The following STRN3 variants were observed in gnomAD, a reference collection of about 807,000 sequenced individuals.
STRN3 encodes striatin 3.
STRN3 carries 29 observed loss-of-function variants against 95.6 expected under a neutral mutation model. That is an observed-to-expected ratio of 0.30 (90% CI 0.23 to 0.41). The LOEUF is 0.41. STRN3 is among the 10% of genes least tolerant of loss of function. STRN3 has a pLI of 1.00. For synonymous variants in STRN3, 331 were observed against 357.6 expected (o/e 0.93, Z 0.84); for missense variants, 890 against 972.1 (o/e 0.92, Z 1.12).
intron 1 of STRN3, among the ~76,000 whole-genome samples, chr14:30,964,145 G>C (rs920442725): frequency 2.6e-5 from 4 of 152,156 alleles, no homozygotes; most frequent in African/African-American, 7.2e-5. Flanking sequence ...TCAGCTATAC[G>C]AGAGGGTGAA....
At chr14:30,896,973 A>G (rs1896171883) in intron 16 of STRN3, among the ~76,000 whole-genome samples, 1 of 152,224 alleles carries the variant, frequency 6.6e-6, no homozygotes, top group African/African-American at 2.4e-5. Context: ...CTTTGGATGG[A>G]TAGAAAGCAT....
rs1473388792 is a variant in STRN3, at chr14:30,918,974, G to C, written c.1232C>G (p.Ala411Gly). 2 of 1,580,872 alleles carry C rather than the reference G, an allele frequency of 1.3e-6. No homozygotes were observed. The highest frequency in any genetic ancestry group is 8.6e-7 in the Non-Finnish European group (1 of 1,162,350). ...TRMTDHEGAR[A>G]EEAEPITFPS... ...GTAGCTAAATTTTGTACCTTCCTCT[G>C]CTCTTGCACCTTCATGATCAGTCAT... Residue 411 changes from alanine (A) to glycine (G), a missense_variant, in exon 9 of 18, where the codon GCA becomes GGA. Physicochemically the swap from Ala to Gly is moderately conservative, Grantham distance 60. Coordinates refer to ENST00000357479, the MANE Select transcript of STRN3 (RefSeq NM_001083893.2).
chr14:30,929,967 A>AAAACAAAAAACAAAAAACAAAAAAAC (rs1555317341), intron 7 of STRN3, among the ~76,000 whole-genome samples: 6 of 91,122 alleles, frequency 6.6e-5, no homozygotes, highest in African/African-American at 2.3e-4. Context: ...AAAAAAAAAA[A>AAAACAAAAAACAAAAAACAAAAAAAC]AAAAAAAAAA....
chr14:31,013,767 T>G (rs998436312), intron 1 of STRN3, among the ~76,000 whole-genome samples: 2 of 141,442 alleles, frequency 1.4e-5, no homozygotes, highest in Non-Finnish European at 3.1e-5. Context: ...AATTTTTTCT[T>G]TTCTGTAGAA....
In STRN3 at chr14:30,912,104, C is replaced by T. The variant is rs1368263955; in HGVS notation, c.1453G>A (p.Ala485Thr). The T allele has an allele frequency of 1.9e-6, 3 of 1,614,138 alleles. No homozygotes were observed. The highest frequency in any genetic ancestry group is 1.7e-5 in the Admixed American group (1 of 60,024). The change falls in exon 11 of 18, where the codon GCA (alanine) becomes ACA (threonine). Residue 485 changes from alanine to threonine, a missense_variant. By Grantham distance (58) the Ala-to-Thr change is moderately conservative (BLOSUM62 0). This residue lies in a region of STRN3 where 357 missense variants were observed against 422.8 expected (regional missense o/e 0.84). Transcript: ENST00000357479. ...GGTTCTACAGGATGAAAAGCTAATG[C>T]CCGTACTCCATCAAAATGGCTACGT... ...TLRSHFDGVR[A>T]LAFHPVEPVL...
At chr14:30,956,811 A>C (rs1032369734) in intron 1 of STRN3, among the ~76,000 whole-genome samples, 1 of 152,244 alleles carries the variant, frequency 6.6e-6, no homozygotes, top group Non-Finnish European at 1.5e-5. Context: ...TCAGAAAATG[A>C]CATATTATTT....
In STRN3 at chr14:30,905,500, G is replaced by C; in HGVS notation, c.1947C>G (p.Thr649=). The change falls in exon 15 of 18, where the codon ACC becomes ACG. Residue 649 remains threonine, a synonymous_variant. Coordinates refer to ENST00000357479, the MANE Select transcript of STRN3 (RefSeq NM_001083893.2). ...FIGCDPAHMV[T]SFNTGSAVIY... ...TTACTGCACTACCAGTGTTGAAAGA[G>C]GTTACCATATGAGCTGGATCACAGC... The C allele has an allele frequency of 9.9e-6, 16 of 1,610,184 alleles. No homozygotes were observed. The highest frequency in any genetic ancestry group is 1.3e-5 in the Non-Finnish European group (15 of 1,178,450).
At chr14:30,904,110 C>T (rs1896398759) in intron 15 of STRN3, among the ~76,000 whole-genome samples, 1 of 152,104 alleles carries the variant, frequency 6.6e-6, no homozygotes, top group South Asian at 2.1e-4. Context: ...AGCCTAGTAC[C>T]CCAACTGTAG....
At chr14:30,924,834 G>C (rs943481579) in intron 8 of STRN3, among the ~76,000 whole-genome samples, 2 of 152,168 alleles carry the variant, frequency 1.3e-5, no homozygotes, top group Non-Finnish European at 2.9e-5. Context: ...AGGCAGCAGA[G>C]TGACAGCCTG....
At chr14:31,019,713 A>G (rs756423139) in intron 1 of STRN3, among the ~76,000 whole-genome samples, 1 of 151,932 alleles carries the variant, frequency 6.6e-6, no homozygotes, top group Admixed American at 6.6e-5. Context: ...AAATTTTCTT[A>G]CCTTTTTTGA....
intron 1 of STRN3, among the ~76,000 whole-genome samples, chr14:30,978,139 C>T (rs1240699568): frequency 6.6e-6 from 1 of 152,070 alleles, no homozygotes; most frequent in African/African-American, 2.4e-5. Flanking sequence ...GCAAAAGGAA[C>T]ACTTACTAAT....
At chr14:30,926,069 C>T (rs1218192063) in intron 8 of STRN3, among the ~76,000 whole-genome samples, 1 of 151,944 alleles carries the variant, frequency 6.6e-6, no homozygotes, top group African/African-American at 2.4e-5. Flanking sequence ...TCTAATTTCA[C>T]GGCAAGGATT....
intron 16 of STRN3, among the ~76,000 whole-genome samples, chr14:30,898,973 T>C (rs1376789183): frequency 6.6e-6 from 1 of 152,186 alleles, no homozygotes; most frequent in Non-Finnish European, 1.5e-5. Context: ...TTCAACCTCA[T>C]GTGTAAAATG....
intron 12 of STRN3, 62 bp from the exon 13 acceptor site, chr14:30,911,224 C>T: frequency 6.5e-7 from 1 of 1,531,874 alleles, no homozygotes; most frequent in Non-Finnish European, 8.8e-7. Flanking sequence ...CTCAAATCTC[C>T]ATTCCCCCAA....
At chr14:30,951,745 A>C (rs1053476919) in intron 3 of STRN3, among the ~76,000 whole-genome samples, 1 of 152,144 alleles carries the variant, frequency 6.6e-6, no homozygotes, top group Non-Finnish European at 1.5e-5. Flanking sequence ...CTAAAATTAA[A>C]CCAGAAAATA....
At chr14:31,007,967 C>T (rs554580244) in intron 1 of STRN3, among the ~76,000 whole-genome samples, 46 of 151,300 alleles carry the variant, frequency 3.0e-4, no homozygotes, top group Non-Finnish European at 6.3e-4. Flanking sequence ...CTGAGGCAGG[C>T]GGATCACCTG....
At chr14:31,023,504 C>G (rs1468234850) in intron 1 of STRN3, among the ~76,000 whole-genome samples, 2 of 152,116 alleles carry the variant, frequency 1.3e-5, no homozygotes, top group African/African-American at 4.8e-5. Flanking sequence ...AATTTTACAT[C>G]AATATGGGGT....
At chr14:30,980,376 T>A (rs1881332603) in intron 1 of STRN3, among the ~76,000 whole-genome samples, 1 of 152,216 alleles carries the variant, frequency 6.6e-6, no homozygotes, top group African/African-American at 2.4e-5. Context: ...AAAGTTCAAC[T>A]ACTATTCTGC....
At chr14:30,962,629 G>C (rs1428705639) in intron 1 of STRN3, among the ~76,000 whole-genome samples, 1 of 152,136 alleles carries the variant, frequency 6.6e-6, no homozygotes. Flanking sequence ...AACCTCCCTA[G>C]GTTCAGGTGA....
Sources: gnomAD v4.1 joint callset for allele counts (sites outside exome capture counted in the v4.1 genomes callset) on GRCh38, gnomAD v4.1.1 for gene constraint, gnomAD v4.1.1 regional missense constraint, MANE v1.5 for transcripts, NCBI Gene and HGNC (gene_info 2026-07-23, HGNC 2026-07-21) for gene names.